AKAP8L: variants seen among roughly 807,000 people sequenced by gnomAD.
AKAP8L encodes A-kinase anchoring protein 8 like.
AKAP8L carries 34 observed loss-of-function variants against 77.5 expected under a neutral mutation model. The observed-to-expected ratio is 0.44, with a 90% CI of 0.33 to 0.58. The LOEUF (loss-of-function observed/expected upper bound fraction) is 0.58. Among genes scored for constraint, AKAP8L ranks in the 20% least tolerant of loss-of-function variants. AKAP8L has a pLI of 0.02. For synonymous variants in AKAP8L, 342 were observed against 340.7 expected, an observed-to-expected ratio of 1.00 and a Z score of -0.04; for missense variants, 806 against 887.6, an observed-to-expected ratio of 0.91 and a Z score of 1.17.
intron 12 of AKAP8L, among the ~76,000 whole-genome samples, chr19:15,392,687 A>C (rs1967687494): frequency 6.6e-6 from 1 of 151,732 alleles, no homozygotes; most frequent in African/African-American, 2.4e-5. Flanking sequence ...CCCCAAGGTC[A>C]GGAGTTCAAG....
Position 15,401,234 on chromosome 19 carries a change from G to T in AKAP8L, c.732C>A (p.Gly244=), listed in dbSNP as rs765315559. The T allele has an allele frequency of 1.2e-6, 2 of 1,613,256 alleles. No homozygotes were observed. Among genetic ancestry groups the T allele is most frequent in the African/African-American group, 1.3e-5 (1 of 74,922 alleles). Residue 244 remains glycine (G), a synonymous_variant, in exon 5 of 14, where the codon GGC becomes GGA. Coordinates refer to ENST00000397410, the MANE Select transcript of AKAP8L (RefSeq NM_014371.4). This position sits in a 1 kb window ranked among gnomAD's most constrained non-coding sequence, Gnocchi z 6.2. ...CAAACCCGAAACCAAAGCGGGAGCC[G>T]CCCGGGAAGGCGCCCCCACCTCGCA... ...QGMRGGGAFP[G]GSRFGFGFGN...
chr19:15,395,682 T>C (rs975679200), intron 12 of AKAP8L, among the ~76,000 whole-genome samples: 2 of 150,998 alleles, frequency 1.3e-5, no homozygotes, highest in African/African-American at 2.4e-5. Context: ...TACTAGTTCC[T>C]AGCATAAGAA....
At position 15,398,604 on chromosome 19, in the gene AKAP8L, A is replaced by T. The variant is rs1967825810; in HGVS notation, c.1157+698T>A. Reference sequence around the variant, plus strand: ...CAAGGGGCGGAGGAGGCCAGCCGCCACCGAGACCTCGGGGCGGGTCCCTAC... The same window carrying T: ...CAAGGGGCGGAGGAGGCCAGCCGCCTCCGAGACCTCGGGGCGGGTCCCTAC... On this transcript the variant is annotated intron_variant, in intron 9 of 13. Coordinates refer to ENST00000397410, the MANE Select transcript of AKAP8L (RefSeq NM_014371.4). This position sits in a 1 kb window ranked among gnomAD's most constrained non-coding sequence, Gnocchi z 9.2. 1 of 986,878 alleles carries T rather than the reference A, an allele frequency of 1.0e-6. No individual in the cohort carries two copies. Among genetic ancestry groups the T allele is most frequent in the East Asian group, 1.1e-4 (1 of 8,828 alleles). The allele number at this position is 986,878 out of a possible 1,614,324, so 61.1% of individuals were successfully genotyped here.
Position 15,401,434 on chromosome 19 carries a change from G to A in AKAP8L, c.532C>T (p.Pro178Ser). ...FRMRGNDTFG[P>S]RAQGWARDAR... ...TCCCGGGCCCAGCCCTGTGCCCTGG[G>A]ACCGAAGGTGTCGTTGCCACGCATG... Residue 178 changes from proline to serine, a missense_variant, in exon 5 of 14, where the codon CCC (proline) becomes TCC (serine). By Grantham distance (74) the Pro-to-Ser change is moderately conservative (BLOSUM62 -1). Transcript: ENST00000397410. The surrounding 1 kb of genome is among the most constrained non-coding windows in gnomAD (Gnocchi z 6.2). The A allele has an allele frequency of 6.2e-7, 1 of 1,613,610 alleles. No individual in the cohort carries two copies. The highest frequency in any genetic ancestry group is 1.3e-5 in the African/African-American group (1 of 75,058).
rs1188110063 is a variant in AKAP8L at position 15,380,063 on chromosome 19, C to G, written c.*59G>C. The G allele has an allele frequency of 3.8e-6, 5 of 1,330,014 alleles. No homozygotes were observed. Among genetic ancestry groups the G allele is most frequent in the Non-Finnish European group, 4.8e-6 (5 of 1,042,016 alleles). 82.4% of individuals were successfully genotyped at this position (1,330,014 alleles called of 1,614,324 possible). On this transcript the variant is annotated 3_prime_UTR_variant, in exon 14 of 14. Coordinates refer to ENST00000397410, the MANE Select transcript of AKAP8L (RefSeq NM_014371.4). ...GAAACCCGGAGGTGGGATGGGAAAA[C>G]TTTATTAGGTTTGGTTTCCAGCTTC...
intron 12 of AKAP8L, among the ~76,000 whole-genome samples, chr19:15,388,520 G>C (rs562103101): frequency 3.4e-4 from 52 of 152,238 alleles, no homozygotes; most frequent in African/African-American, 1.2e-3. Flanking sequence ...TAAACACAGA[G>C]ATAGAAATGA....
intron 12 of AKAP8L, chr19:15,381,895 G>A (rs747683864): frequency 1.3e-5 from 2 of 152,186 alleles, no homozygotes; most frequent in Non-Finnish European, 2.9e-5. Flanking sequence ...CCATGCTGGT[G>A]CTTTTCATTC....
chr19:15,411,105 A>G (rs983004261), intron 1 of AKAP8L, among the ~76,000 whole-genome samples: 47 of 152,250 alleles, frequency 3.1e-4, no homozygotes, highest in African/African-American at 1.1e-3. Context: ...TGAGCCACAG[A>G]GCCTGGCCCC....
At chr19:15,406,098 C>T (rs1967991245) in intron 2 of AKAP8L, among the ~76,000 whole-genome samples, 1 of 152,090 alleles carries the variant, frequency 6.6e-6, no homozygotes. Flanking sequence ...GTGAACACCA[C>T]TTTACGTTTT....
At chr19:15,393,656 C>G (rs1214729068) in intron 12 of AKAP8L, among the ~76,000 whole-genome samples, 4 of 152,122 alleles carry the variant, frequency 2.6e-5, no homozygotes, top group East Asian at 3.8e-4. Flanking sequence ...CGCGGTGGCT[C>G]ATGCCTGTAA....
intron 12 of AKAP8L, among the ~76,000 whole-genome samples, chr19:15,384,841 A>C (rs1279296175): frequency 6.6e-6 from 1 of 152,158 alleles, no homozygotes; most frequent in Non-Finnish European, 1.5e-5. Context: ...ACATAAAGAG[A>C]GTTTGCATTA....
At chr19:15,418,866 G>A (rs1162399442) in intron 1 of AKAP8L, 45 bp downstream of exon 1, 3 of 1,578,446 alleles carry the variant, frequency 1.9e-6, no homozygotes, top group Admixed American at 1.7e-5. Context: ...GCACGTCCCT[G>A]TCCCATCCCC....
rs1473778603 is a variant in AKAP8L at position 15,401,009 on chromosome 19, G to C, written c.851C>G (p.Pro284Arg). 6 of 1,613,804 alleles carry C rather than the reference G, an allele frequency of 3.7e-6. No homozygotes were observed. The highest frequency in any genetic ancestry group is 5.1e-6 in the Non-Finnish European group (6 of 1,179,892). Reference sequence around the variant, plus strand: ...GGTGGCTTTGCTATCTGGCTCATCAGGACTGCCGCCCTGCTTTCTCTTCTT... The same window carrying C: ...GGTGGCTTTGCTATCTGGCTCATCACGACTGCCGCCCTGCTTTCTCTTCTT... Reference protein sequence around the residue: ...KKKKRKQGGSPDEPDSKATRT... With the variant: ...KKKKRKQGGSRDEPDSKATRT... Residue 284 changes from proline (P) to arginine (R), a missense_variant, in exon 6 of 14, where the codon CCT becomes CGT. Physicochemically the swap from Pro to Arg is moderately radical, Grantham distance 103 (BLOSUM62 -2). Around this residue, in one of 2 missense-constraint regions of AKAP8L, gnomAD observed 580 missense variants for 694.1 expected, o/e 0.84. Coordinates refer to ENST00000397410, the MANE Select transcript of AKAP8L (RefSeq NM_014371.4). This position sits in a 1 kb window ranked among gnomAD's most constrained non-coding sequence, Gnocchi z 6.2.
At position 15,380,165 on chromosome 19, in the gene AKAP8L, A is replaced by T. The variant is rs1338447147; in HGVS notation, c.1898T>A (p.Leu633His). 2 of 1,504,570 alleles carry T rather than the reference A, an allele frequency of 1.3e-6. No homozygotes were observed. Among genetic ancestry groups the T allele is most frequent in the Admixed American group, 2.1e-5 (1 of 47,410 alleles). 93.2% of individuals were successfully genotyped at this position (1,504,570 alleles called of 1,614,324 possible). A position where few individuals can be genotyped will look rare whatever the true frequency, so the allele number is the denominator to read the frequency against. The change falls in exon 14 of 14, where the codon CTC becomes CAC. Residue 633 changes from leucine (L) to histidine (H), a missense_variant. Transcript: ENST00000397410. ...LQRQIRGIPGLDVEDDEEGGG... is the reference protein window; with the variant it reads ...LQRQIRGIPGHDVEDDEEGGG... ...GCCCTCCTCGTCGTCCTCCACGTCGAGGCCCGGGATGCCGCGGATCTGGCG... is the reference window on the plus strand; with the variant it reads ...GCCCTCCTCGTCGTCCTCCACGTCGTGGCCCGGGATGCCGCGGATCTGGCG...
rs748987407 is a variant in AKAP8L, at chr19:15,397,878, G to C, written c.1158-23C>G. ...ATCCTGCCACAGGAAGGAAACGAGG[G>C]GCTGAGGCTGCAAGTGTCCCAGGGG... On this transcript the variant is annotated intron_variant, in intron 9 of 13. Coordinates refer to ENST00000397410, the MANE Select transcript of AKAP8L (RefSeq NM_014371.4). This position sits in a 1 kb window ranked among gnomAD's most constrained non-coding sequence, Gnocchi z 4.7. 18 of 1,610,626 alleles carry C rather than the reference G, an allele frequency of 1.1e-5. No individual in the cohort carries two copies. Among genetic ancestry groups the C allele is most frequent in the Admixed American group, 1.7e-5 (1 of 59,370 alleles).
intron 2 of AKAP8L, 32 bp from the exon 3 acceptor site, chr19:15,404,074 A>G: frequency 6.2e-7 from 1 of 1,609,496 alleles, no homozygotes; most frequent in South Asian, 1.1e-5. Context: ...TTACATCTAT[A>G]CTTGCTTACA....
At position 15,399,850 on chromosome 19, in the gene AKAP8L, C is replaced by T; in HGVS notation, c.1049-440G>A. 3.2e-6 allele frequency: 1 copy of T among 308,724 alleles called. No individual in the cohort carries two copies. The highest frequency in any genetic ancestry group is 6.2e-6 in the Non-Finnish European group (1 of 162,570). The allele number at this position is 308,724 out of a possible 1,614,324, so 19.1% of individuals were successfully genotyped here. Reference sequence around the variant, plus strand: ...TAGGTACCTGCTGGCGCTCATCACTCAGGTGGGGGGACACGGAATCCCAAC... The same window carrying T: ...TAGGTACCTGCTGGCGCTCATCACTTAGGTGGGGGGACACGGAATCCCAAC... On this transcript the variant is annotated intron_variant, in intron 8 of 13. Coordinates refer to ENST00000397410, the MANE Select transcript of AKAP8L (RefSeq NM_014371.4). This position sits in a 1 kb window ranked among gnomAD's most constrained non-coding sequence, Gnocchi z 6.1.
Position 15,398,828 on chromosome 19 carries a change from G to A in AKAP8L, c.1157+474C>T. 9.8e-7 allele frequency: 1 copy of A among 1,015,664 alleles called. No individual in the cohort carries two copies. Among genetic ancestry groups the A allele is most frequent in the Non-Finnish European group, 1.2e-6 (1 of 847,916 alleles). The allele number at this position is 1,015,664 out of a possible 1,614,324, so 62.9% of individuals were successfully genotyped here. A position where few individuals can be genotyped will look rare whatever the true frequency, so the allele number is the denominator to read the frequency against. ...GCTCAGCCGCAGACAGGCCCGGCCT[G>A]ACAGGGCCGGCGGGCAGGGCAGAAG... On this transcript the variant is annotated intron_variant, in intron 9 of 13. Transcript: ENST00000397410. The surrounding 1 kb of genome is among the most constrained non-coding windows in gnomAD (Gnocchi z 9.2).
rs996999292 is a variant in AKAP8L, at chr19:15,401,216, G to A, written c.750C>T (p.Phe250=). ...GAFPGGSRFG[F]GFGNGMKQMR... ...TCTGCTTCATGCCATTGCCAAACCC[G>A]AAACCAAAGCGGGAGCCGCCCGGGA... The change falls in exon 5 of 14, where the codon TTC becomes TTT. Residue 250 remains phenylalanine (F), a synonymous_variant. Transcript: ENST00000397410. This position sits in a 1 kb window ranked among gnomAD's most constrained non-coding sequence, Gnocchi z 6.2. 1.1e-5 allele frequency: 18 copies of A among 1,612,690 alleles called. No individual in the cohort carries two copies. Among genetic ancestry groups the A allele is most frequent in the Middle Eastern group, 3.3e-4 (2 of 6,080 alleles).
Sources: gnomAD v4.1 joint callset for allele counts (sites outside exome capture counted in the v4.1 genomes callset) on GRCh38, gnomAD v4.1.1 for gene constraint, gnomAD v4.1.1 regional missense constraint, Gnocchi (gnomAD v3.1) non-coding constraint, MANE v1.5 for transcripts, NCBI Gene and HGNC (gene_info 2026-07-23, HGNC 2026-07-21) for gene names.